The following NRXN3 variants were observed in gnomAD, a reference collection of about 807,000 sequenced individuals.
NRXN3 encodes the protein neurexin III.
A neutral mutation model predicts 137.6 loss-of-function variants in NRXN3; 32 were observed. The ratio of observed to expected loss-of-function variants is 0.23; its 90% CI spans 0.18 to 0.31. NRXN3 has a LOEUF of 0.31. NRXN3 is among the 10% of genes least tolerant of loss of function. The pLI is 1.00. For synonymous variants in NRXN3, 798 were observed against 784.5 expected (o/e 1.02, Z -0.29); for missense variants, 1,574 against 2,062.5 (o/e 0.76, Z 4.59).
At chr14:79,148,007 T>C (rs958833256) in intron 15 of NRXN3, among the ~76,000 whole-genome samples, 1 of 152,102 alleles carries the variant, frequency 6.6e-6, no homozygotes, top group Non-Finnish European at 1.5e-5. Flanking sequence ...TCTCCAGCAG[T>C]GACCTTCTCC....
rs997965941 is a variant in NRXN3 at position 79,156,989 on chromosome 14, C to G, written c.3262+168848C>G. 9.9e-5 allele frequency among the ~76,000 whole-genome samples: 15 copies of G among 151,842 alleles called. No individual in the cohort carries two copies. The East Asian group carries it at 2.9e-3, about 30-fold the overall frequency. ...CAAGTTGTGACAATAAAAGGTATTT[C>G]CAGACTTTGTAACATTACTCTGGTT... On this transcript the variant is annotated intron_variant, in intron 15 of 20. Transcript: ENST00000335750.
chr14:78,994,579 T>C (rs1168472144), intron 15 of NRXN3, among the ~76,000 whole-genome samples: 1 of 152,196 alleles, frequency 6.6e-6, no homozygotes, highest in East Asian at 1.9e-4. Flanking sequence ...TTATAAAGAA[T>C]CCAATTTTTA....
At chr14:78,263,686 T>C (rs1318675824) in intron 2 of NRXN3, among the ~76,000 whole-genome samples, 1 of 152,186 alleles carries the variant, frequency 6.6e-6, no homozygotes, top group Non-Finnish European at 1.5e-5. Flanking sequence ...CGTGTGCCTA[T>C]CAAATTTTAC....
At chr14:79,159,559 G>T (rs1345586894) in intron 15 of NRXN3, among the ~76,000 whole-genome samples, 1 of 151,670 alleles carries the variant, frequency 6.6e-6, no homozygotes, top group East Asian at 1.9e-4. Flanking sequence ...TTGAGTGGAT[G>T]GTCTGCTGCT....
chr14:79,614,551 C>G (rs1054409809), intron 16 of NRXN3, among the ~76,000 whole-genome samples: 1 of 152,084 alleles, frequency 6.6e-6, no homozygotes, highest in Non-Finnish European at 1.5e-5. Context: ...CTTCTACTCC[C>G]TCCTTGCTTT....
intron 15 of NRXN3, among the ~76,000 whole-genome samples, chr14:79,061,695 A>T (rs902095869): frequency 6.6e-6 from 1 of 152,214 alleles, no homozygotes; most frequent in African/African-American, 2.4e-5. Flanking sequence ...GGTCTACGGC[A>T]TCAAGGATTA....
At chr14:78,901,341 C>T (rs66616022) in intron 10 of NRXN3, among the ~76,000 whole-genome samples, 8,309 of 151,876 alleles carry the variant, frequency 0.055, 732 homozygotes, top group East Asian at 0.39. Context: ...AACTCACCTG[C>T]TTTCCCTTTG....
intron 15 of NRXN3, among the ~76,000 whole-genome samples, chr14:79,406,144 C>T (rs1223524744): frequency 6.6e-6 from 1 of 152,050 alleles, no homozygotes; most frequent in African/African-American, 2.4e-5. Flanking sequence ...GCCAAAGTGC[C>T]CCCACCTGAC....
intron 4 of NRXN3, among the ~76,000 whole-genome samples, chr14:78,354,587 G>A (rs1409535287): frequency 6.6e-6 from 1 of 152,122 alleles, no homozygotes; most frequent in Admixed American, 6.5e-5. Context: ...ATTTTCTAAA[G>A]AATTGTCCCT....
chr14:78,937,247 C>G (rs977535304), intron 10 of NRXN3, among the ~76,000 whole-genome samples: 1 of 151,592 alleles, frequency 6.6e-6, no homozygotes, highest in South Asian at 2.1e-4. Flanking sequence ...TCTAGTCTCT[C>G]TGATCTCCAT....
intron 4 of NRXN3, among the ~76,000 whole-genome samples, chr14:78,443,630 A>G (rs1335484826): frequency 1.3e-5 from 2 of 152,214 alleles, no homozygotes; most frequent in Non-Finnish European, 2.9e-5. Flanking sequence ...ACTCTAACAG[A>G]CATAGGTTCA....
At chr14:79,208,297 G>A (rs2067098637) in intron 15 of NRXN3, among the ~76,000 whole-genome samples, 1 of 152,126 alleles carries the variant, frequency 6.6e-6, no homozygotes, top group African/African-American at 2.4e-5. Context: ...TATGGAAAAT[G>A]AGCATATCGA....
intron 20 of NRXN3, among the ~76,000 whole-genome samples, chr14:79,828,513 G>A (rs372032741): frequency 6.6e-6 from 1 of 151,064 alleles, no homozygotes; most frequent in Admixed American, 6.6e-5. Context: ...CCAGCTACTC[G>A]GGAGGCTGAG....
Position 78,175,586 on chromosome 14 carries a change from G to A in NRXN3, c.-704+4912G>A, listed in dbSNP as rs1045724901. ...GACCTGCTGGGGGAAGAACTGTTGCGCTGCAGCTCTGAGCCTTGAGGGCCA... is the reference window on the plus strand; with the variant it reads ...GACCTGCTGGGGGAAGAACTGTTGCACTGCAGCTCTGAGCCTTGAGGGCCA... On this transcript the variant is annotated intron_variant, in intron 1 of 20. Transcript: ENST00000335750. Among the ~76,000 whole-genome samples the A allele has an allele frequency of 6.6e-5, 10 of 152,276 alleles. No individual in the cohort carries two copies. In the East Asian group the frequency reaches 1.9e-3, roughly 29 times the overall value.
At chr14:78,258,775 T>C in intron 2 of NRXN3, among the ~76,000 whole-genome samples, 1 of 152,234 alleles carries the variant, frequency 6.6e-6, no homozygotes, top group Admixed American at 6.5e-5. Flanking sequence ...TTGCATTGTT[T>C]AGTTTCAAAA....
intron 11 of NRXN3, among the ~76,000 whole-genome samples, chr14:78,963,027 A>G (rs2099411172): frequency 1.3e-5 from 2 of 151,354 alleles, no homozygotes; most frequent in Non-Finnish European, 2.9e-5. Context: ...TCCCCTCACC[A>G]ACTTTTAGTT....
intron 6 of NRXN3, among the ~76,000 whole-genome samples, chr14:78,674,781 C>T (rs2097982681): frequency 6.6e-6 from 1 of 152,162 alleles, no homozygotes; most frequent in African/African-American, 2.4e-5. Flanking sequence ...AAATGTTTTG[C>T]TTGAATTAGA....
At chr14:79,495,918 G>A (rs1030204293) in intron 16 of NRXN3, among the ~76,000 whole-genome samples, 2 of 151,006 alleles carry the variant, frequency 1.3e-5, no homozygotes, top group Admixed American at 6.6e-5. Context: ...ATGTTTAAAA[G>A]GTGTCATCTC....
intron 16 of NRXN3, among the ~76,000 whole-genome samples, chr14:79,600,839 G>A (rs561382261): frequency 2.6e-5 from 4 of 152,056 alleles, no homozygotes; most frequent in Admixed American, 1.3e-4. Context: ...GATGAGCCCG[G>A]AGAATCTGGT....
Sources: allele counts gnomAD v4.1 joint callset (sites outside exome capture counted in the v4.1 genomes callset), GRCh38; gene constraint gnomAD v4.1.1; transcripts MANE v1.5; gene names NCBI Gene and HGNC (gene_info 2026-07-23, HGNC 2026-07-21).